ATP8B1: variants seen among roughly 807,000 people sequenced by gnomAD.
The protein encoded by ATP8B1 is ATPase phospholipid transporting 8B1.
ATP8B1 carries 80 observed loss-of-function variants against 149.9 expected under a neutral mutation model. The ratio of observed to expected loss-of-function variants is 0.53; its 90% CI spans 0.45 to 0.64. The LOEUF is 0.64. Ranked by LOEUF, ATP8B1 falls within the 30% of genes least tolerant of loss-of-function variation. The probability of loss-of-function intolerance (pLI) is 0.00; values close to 1 mark genes in which losing one functional copy is unlikely to be tolerated. For missense variants in ATP8B1, 1,247 were observed against 1,552.6 expected (o/e 0.80, Z 3.31); for synonymous variants, 536 against 562.8 (o/e 0.95, Z 0.67).
chr18:57,662,973 T>C (rs527458983), intron 20 of ATP8B1, among the ~76,000 whole-genome samples: 2 of 152,290 alleles, frequency 1.3e-5, no homozygotes, highest in Non-Finnish European at 2.9e-5. Flanking sequence ...GCTTTGACCA[T>C]TTTTAAGTGT....
chr18:57,698,035 G>A (rs557352610), intron 6 of ATP8B1, among the ~76,000 whole-genome samples, 168 bp from the exon 7 acceptor site: 13 of 152,268 alleles, frequency 8.5e-5, no homozygotes, highest in Middle Eastern at 3.4e-3. Flanking sequence ...CATGAAAATT[G>A]TATTGACCTC....
At chr18:57,689,640 C>T (rs1250087087) in intron 12 of ATP8B1, among the ~76,000 whole-genome samples, 1 of 152,144 alleles carries the variant, frequency 6.6e-6, no homozygotes, top group Non-Finnish European at 1.5e-5. Context: ...AGTCCTTTCT[C>T]TTAAGGAGGT....
At chr18:57,719,291 A>G (rs905286054) in intron 2 of ATP8B1, among the ~76,000 whole-genome samples, 3 of 152,240 alleles carry the variant, frequency 2.0e-5, no homozygotes, top group Non-Finnish European at 2.9e-5. Flanking sequence ...TCCGGTCTAC[A>G]GCTCCCAGCG....
chr18:57,696,547 CAAAAA>C lies in ATP8B1; in HGVS notation c.699-1020_699-1016del, dbSNP rs10639684. On this transcript the variant is annotated intron_variant, in intron 8 of 27. Coordinates refer to ENST00000648908, the MANE Select transcript of ATP8B1 (RefSeq NM_001374385.1). ...ATTGGCTTTAAGTATTTTTTTCCGC[CAAAAA>C]AAAAAAAAAAGTGTGATAGATTTCC... is the stretch of plus-strand genomic sequence containing the variant. 1.2e-3 allele frequency among the ~76,000 whole-genome samples: 179 copies of C among 145,686 alleles called. 4 individuals are homozygous for C. Among genetic ancestry groups the C allele is most frequent in the African/African-American group, 4.2e-3 (167 of 39,638 alleles).
chr18:57,731,828 A>G lies in ATP8B1; in HGVS notation c.-21T>C. 3 of 1,613,848 alleles carry G rather than the reference A, an allele frequency of 1.9e-6. No homozygotes were observed. The highest frequency in any genetic ancestry group is 2.2e-5 in the East Asian group (1 of 44,878). On this transcript the variant is annotated 5_prime_UTR_variant, in exon 2 of 28. Coordinates refer to ENST00000648908, the MANE Select transcript of ATP8B1 (RefSeq NM_001374385.1). ...CTCATTCTGCTGGCAAATTGGAACT[A>G]CCTGCTTAAAAGGAAAGAGAAACCA... is the stretch of plus-strand genomic sequence containing the variant.
At chr18:57,776,700 AAG>A (rs2080308596) in intron 1 of ATP8B1, among the ~76,000 whole-genome samples, 1 of 152,016 alleles carries the variant, frequency 6.6e-6, no homozygotes. Context: ...AAAAAAAAAA[AAG>A]AAAGAAAAAA....
At chr18:57,665,798 G>A (rs1044589375) in intron 20 of ATP8B1, among the ~76,000 whole-genome samples, 3 of 152,060 alleles carry the variant, frequency 2.0e-5, no homozygotes, top group South Asian at 2.1e-4. Flanking sequence ...TGATCCACCC[G>A]CCTCGGCCTC....
chr18:57,767,287 G>T (rs1311805101), intron 1 of ATP8B1, among the ~76,000 whole-genome samples: 1 of 152,144 alleles, frequency 6.6e-6, no homozygotes, highest in African/African-American at 2.4e-5. Flanking sequence ...TCTAATTCTC[G>T]CATCATCTCA....
intron 2 of ATP8B1, among the ~76,000 whole-genome samples, chr18:57,729,782 C>T (rs2079742982): frequency 6.6e-6 from 1 of 151,930 alleles, no homozygotes; most frequent in African/African-American, 2.4e-5. Context: ...AACTCCTGAC[C>T]TCAGGTGATC....
At chr18:57,679,996 C>G (rs1316514258) in intron 15 of ATP8B1, among the ~76,000 whole-genome samples, 1 of 151,892 alleles carries the variant, frequency 6.6e-6, no homozygotes, top group Admixed American at 6.6e-5. Flanking sequence ...AACTACCTGG[C>G]CAGGCATGGT....
intron 1 of ATP8B1, among the ~76,000 whole-genome samples, chr18:57,797,238 C>T (rs539481977): frequency 5.9e-5 from 9 of 152,312 alleles, no homozygotes. Flanking sequence ...TCAAAAGCCA[C>T]CTGCACTAAA....
chr18:57,745,223 A>G (rs2079953834), intron 1 of ATP8B1, among the ~76,000 whole-genome samples: 1 of 152,208 alleles, frequency 6.6e-6, no homozygotes, highest in Non-Finnish European at 1.5e-5. Flanking sequence ...CACCTCATTT[A>G]CAGAGCCTTT....
At chr18:57,686,316 A>G (rs1197307536) in intron 13 of ATP8B1, among the ~76,000 whole-genome samples, 1 of 151,866 alleles carries the variant, frequency 6.6e-6, no homozygotes, top group African/African-American at 2.4e-5. Context: ...CACATAATAA[A>G]ATTTACCATA....
At chr18:57,771,825 C>CA (rs2080266306) in intron 1 of ATP8B1, among the ~76,000 whole-genome samples, 1 of 152,122 alleles carries the variant, frequency 6.6e-6, no homozygotes, top group African/African-American at 2.4e-5. Flanking sequence ...AAACCACATT[C>CA]AAAAGGGAAC....
chr18:57,788,795 G>A (rs1223578200), intron 1 of ATP8B1, among the ~76,000 whole-genome samples: 2 of 152,134 alleles, frequency 1.3e-5, no homozygotes, highest in African/African-American at 4.8e-5. Context: ...ATTAGCTGAG[G>A]TCAGCCAGCC....
At chr18:57,681,889 A>G (rs534108770) in intron 15 of ATP8B1, among the ~76,000 whole-genome samples, 1 of 69,062 alleles carries the variant, frequency 1.4e-5, no homozygotes, top group East Asian at 4.1e-4. Flanking sequence ...AGCCGAAAGC[A>G]ATTTCTTTCT....
rs1489354364 is a variant in ATP8B1 at position 57,646,471 on chromosome 18, CA to C, written c.*2016del. 2.0e-5 allele frequency: 3 copies of C among 147,042 alleles called. No homozygotes were observed. Among genetic ancestry groups the C allele is most frequent in the East Asian group, 2.0e-4 (1 of 4,998 alleles). The allele number at this position is 147,042 out of a possible 1,614,324, so 9.1% of individuals were successfully genotyped here. ...ATACTTTTCAAAGATTTTACTAAATCATTTTTTTAAACAAAATATACATTAA... is the reference window on the plus strand; with the variant it reads ...ATACTTTTCAAAGATTTTACTAAATCTTTTTTTAAACAAAATATACATTAA... On this transcript the variant is annotated 3_prime_UTR_variant, in exon 28 of 28. Coordinates refer to ENST00000648908, the MANE Select transcript of ATP8B1 (RefSeq NM_001374385.1).
In ATP8B1 at chr18:57,661,176, T is replaced by TTGATCA; in HGVS notation, c.2699_2704dup (p.Met900_Ile901dup). 1 of 1,613,668 alleles carries TTGATCA rather than the reference T, an allele frequency of 6.2e-7. No individual in the cohort carries two copies. The highest frequency in any genetic ancestry group is 8.5e-7 in the Non-Finnish European group (1 of 1,180,034). ...CTGGCCGTGGGTGCATGACTCACTT[T>TTGATCA]TGATCATGTTCACGTCATTGGCCCC... On this transcript the variant is annotated inframe_insertion, in exon 22 of 28. Transcript: ENST00000648908.
At chr18:57,681,865 A>T (rs370893794) in intron 15 of ATP8B1, among the ~76,000 whole-genome samples, 24 of 128,704 alleles carry the variant, frequency 1.9e-4, no homozygotes, top group African/African-American at 6.7e-4. Context: ...CTTTCCTGGT[A>T]CTTTATGGTT....
Sources: gnomAD v4.1 joint callset for allele counts (sites outside exome capture counted in the v4.1 genomes callset) on GRCh38, gnomAD v4.1.1 for gene constraint, MANE v1.5 for transcripts, NCBI Gene and HGNC (gene_info 2026-07-23, HGNC 2026-07-21) for gene names.